Variants in NRG1 observed in about 807,000 individuals in gnomAD.
The protein encoded by NRG1 is neuregulin 1.
A neutral mutation model predicts 63.8 loss-of-function variants in NRG1; 18 were observed. The observed-to-expected ratio is 0.28, with a 90% CI of 0.19 to 0.42. NRG1 has a LOEUF of 0.42. NRG1 is among the 10% of genes least tolerant of loss of function. The pLI is 1.00. For missense variants in NRG1, 762 were observed against 814.7 expected, an observed-to-expected ratio of 0.94 and a Z score of 0.79; for synonymous variants, 302 against 301.3, an observed-to-expected ratio of 1.00 and a Z score of -0.02.
At chr8:31,845,896 T>A (rs903290955) in intron 1 of NRG1, among the ~76,000 whole-genome samples, 1 of 152,220 alleles carries the variant, frequency 6.6e-6, no homozygotes, top group African/African-American at 2.4e-5. Flanking sequence ...TTACGAGACC[T>A]CACTGTATTT....
chr8:31,734,525 T>C (rs1321181685), intron 1 of NRG1, among the ~76,000 whole-genome samples: 3 of 152,354 alleles, frequency 2.0e-5, no homozygotes, highest in Non-Finnish European at 2.9e-5. Context: ...ATTAGATAAC[T>C]GATTTCTTTC....
chr8:32,690,113 G>A (rs1273106325), intron 5 of NRG1, among the ~76,000 whole-genome samples: 2 of 152,096 alleles, frequency 1.3e-5, no homozygotes, highest in Admixed American at 6.6e-5. Context: ...GAATGAGGGG[G>A]TCCAATAGAG....
At chr8:32,051,548 GT>G (rs1186813770) in intron 1 of NRG1, among the ~76,000 whole-genome samples, 1 of 152,204 alleles carries the variant, frequency 6.6e-6, no homozygotes, top group African/African-American at 2.4e-5. Flanking sequence ...CAGTTTGCCA[GT>G]TGTGGGGAAG....
Position 32,398,031 on chromosome 8 carries a change from A to T in NRG1, c.38-197797A>T, listed in dbSNP as rs183179407. On this transcript the variant is annotated intron_variant, in intron 1 of 10. Transcript: ENST00000519301. ...CTGTGAAGTATTTGGTTTTTTATGC[A>T]GTCTGCTCTGCTCTAATATACACAA... Among the ~76,000 whole-genome samples the T allele has an allele frequency of 2.7e-4, 41 of 152,316 alleles. 2 individuals are homozygous for T. Among genetic ancestry groups the T allele is most frequent in the African/African-American group, 9.9e-4 (41 of 41,576 alleles).
At chr8:31,966,840 C>A (rs935474016) in intron 1 of NRG1, among the ~76,000 whole-genome samples, 1 of 91,234 alleles carries the variant, frequency 1.1e-5, no homozygotes, top group East Asian at 2.1e-4. Context: ...CAATCCATAC[C>A]CAATTCTCAG....
At chr8:32,575,318 T>G (rs1247018726) in intron 1 of NRG1, among the ~76,000 whole-genome samples, 5 of 152,168 alleles carry the variant, frequency 3.3e-5, no homozygotes, top group Non-Finnish European at 7.4e-5. Context: ...GGCCTACTTC[T>G]TCTTTCTCTT....
At chr8:32,509,069 C>A (rs1052847869) in intron 1 of NRG1, among the ~76,000 whole-genome samples, 1 of 123,326 alleles carries the variant, frequency 8.1e-6, no homozygotes, top group African/African-American at 3.2e-5. Flanking sequence ...TTTCTTTTTT[C>A]TTTTCCTATT....
intron 1 of NRG1, among the ~76,000 whole-genome samples, chr8:32,452,539 A>T (rs1268041997): frequency 6.6e-6 from 1 of 152,214 alleles, no homozygotes; most frequent in African/African-American, 2.4e-5. Flanking sequence ...AGGCTAGAAT[A>T]AGTGAGAAAT....
At chr8:32,387,069 C>A (rs1811112175) in intron 1 of NRG1, among the ~76,000 whole-genome samples, 1 of 152,158 alleles carries the variant, frequency 6.6e-6, no homozygotes, top group Non-Finnish European at 1.5e-5. Flanking sequence ...AGTTAGTAGA[C>A]TTCAGGAATA....
intron 1 of NRG1, among the ~76,000 whole-genome samples, chr8:32,250,140 T>C (rs763146668): frequency 4.6e-5 from 7 of 152,136 alleles, no homozygotes; most frequent in Non-Finnish European, 1.0e-4. Flanking sequence ...CCTCTCTGTC[T>C]GATCTCTTTC....
chr8:32,042,611 C>A (rs1820245841), intron 1 of NRG1, among the ~76,000 whole-genome samples: 1 of 152,060 alleles, frequency 6.6e-6, no homozygotes. Flanking sequence ...CTGACTGACT[C>A]TAAAGCAGCT....
intron 1 of NRG1, among the ~76,000 whole-genome samples, chr8:31,787,038 C>T (rs1182739082): frequency 1.3e-5 from 2 of 152,108 alleles, no homozygotes; most frequent in Admixed American, 1.3e-4. Flanking sequence ...CCTGAAGCTA[C>T]CCAAGACTGG....
At chr8:31,860,769 C>T (rs1050519790) in intron 1 of NRG1, among the ~76,000 whole-genome samples, 43 of 152,162 alleles carry the variant, frequency 2.8e-4, no homozygotes, top group African/African-American at 9.7e-4. Context: ...TTTCCCTCCT[C>T]CATTCAAATA....
chr8:32,334,751 G>A (rs73248796), intron 1 of NRG1, among the ~76,000 whole-genome samples: 16 of 152,090 alleles, frequency 1.1e-4, no homozygotes, highest in Admixed American at 9.8e-4. Context: ...GTTGAAATTG[G>A]TTATTAATGT....
At chr8:32,593,170 A>C (rs1842805749) in intron 1 of NRG1, among the ~76,000 whole-genome samples, 1 of 152,102 alleles carries the variant, frequency 6.6e-6, no homozygotes, top group African/African-American at 2.4e-5. Context: ...ATTCATGTAT[A>C]AGGCATTTTG....
rs1331827892 is a variant in NRG1 at position 32,407,275 on chromosome 8, T to TTATATATATATATATATATTATATA, written c.38-188520_38-188496dup. Among the ~76,000 whole-genome samples the TTATATATATATATATATATTATATA allele has an allele frequency of 9.0e-4, 43 of 47,538 alleles. 1 individual carries two copies. Among genetic ancestry groups the TTATATATATATATATATATTATATA allele is most frequent in the African/African-American group, 3.0e-3 (42 of 14,194 alleles). The allele number at this position is 47,538 out of a possible 152,430, so 31.2% of individuals were successfully genotyped here. On this transcript the variant is annotated intron_variant, in intron 1 of 10. Coordinates refer to the NRG1 transcript ENST00000519301. ...ATATATGTGTGTGTGTATATATATATTATATATATATATATATATTATATA... is the reference window on the plus strand; with the variant it reads ...ATATATGTGTGTGTGTATATATATATTATATATATATATATATATTATATATATATATATATATATATATTATATA...
intron 5 of NRG1, among the ~76,000 whole-genome samples, chr8:32,641,589 A>G (rs1852408979): frequency 6.6e-6 from 1 of 152,224 alleles, no homozygotes; most frequent in Non-Finnish European, 1.5e-5. Context: ...TCACATCCTC[A>G]TCTTTGAGAT....
chr8:32,473,760 T>C (rs1563512665), intron 1 of NRG1, among the ~76,000 whole-genome samples: 1 of 152,214 alleles, frequency 6.6e-6, no homozygotes, highest in African/African-American at 2.4e-5. Flanking sequence ...CACAGCTCAC[T>C]GCAGCCTCAA....
At chr8:32,566,717 A>G (rs1837520244) in intron 1 of NRG1, among the ~76,000 whole-genome samples, 1 of 152,236 alleles carries the variant, frequency 6.6e-6, no homozygotes, top group South Asian at 2.1e-4. Context: ...TGAGAAACTT[A>G]CCTTCCAGGA....
Sources: allele counts gnomAD v4.1 joint callset (sites outside exome capture counted in the v4.1 genomes callset), GRCh38; gene constraint gnomAD v4.1.1; transcripts MANE v1.5; gene names NCBI Gene and HGNC (gene_info 2026-07-23, HGNC 2026-07-21).